The following TRPM3 variants were observed in gnomAD, a reference collection of about 807,000 sequenced individuals.
The protein encoded by TRPM3 is transient receptor potential cation channel subfamily M member 3.
Under a neutral mutation model 181.2 loss-of-function variants are expected in TRPM3, and 77 were observed. The ratio of observed to expected loss-of-function variants is 0.42; its 90% CI spans 0.35 to 0.51. The LOEUF is 0.51. Among genes scored for constraint, TRPM3 ranks in the 20% least tolerant of loss-of-function variants. The pLI is 0.01. For missense variants in TRPM3, 1,759 were observed against 2,196.7 expected (o/e 0.80, Z 3.98); for synonymous variants, 745 against 796.4 (o/e 0.94, Z 1.09).
At chr9:71,363,215 C>T (rs1565499502) in intron 1 of TRPM3, among the ~76,000 whole-genome samples, 1 of 152,124 alleles carries the variant, frequency 6.6e-6, no homozygotes, top group Non-Finnish European at 1.5e-5. Context: ...AATGAGAAGA[C>T]ATTTGATATT....
intron 1 of TRPM3, among the ~76,000 whole-genome samples, chr9:71,147,049 A>T (rs922661978): frequency 1.3e-5 from 2 of 152,182 alleles, no homozygotes; most frequent in African/African-American, 2.4e-5. Flanking sequence ...AAGACCTGAC[A>T]ACATTGCTTG....
upstream of TRPM3, chr9:71,121,674 G>A (rs1587483266): frequency 9.1e-7 from 1 of 1,104,888 alleles, no homozygotes; most frequent in Non-Finnish European, 1.1e-6. Context: ...GGCGTTGGGG[G>A]GGAACCGGGG....
Position 70,897,270 on chromosome 9 carries a change from C to T in TRPM3, c.178-32759G>A, listed in dbSNP as rs1277093364. On this transcript the variant is annotated intron_variant, in intron 1 of 25. Transcript: ENST00000677713. The stretch of plus-strand genomic sequence containing the variant: ...TGCTCCCCTTCCCAGCCTCTGGTAA[C>T]CACTATTTTACTCACTGTCTCCATG... Among the ~76,000 whole-genome samples, 2 of 112,118 alleles carry T rather than the reference C, an allele frequency of 1.8e-5. 1 individual carries two copies. The highest frequency in any genetic ancestry group is 7.1e-5 in the African/African-American group (2 of 28,316). The allele number at this position is 112,118 out of a possible 152,430, so 73.6% of individuals were successfully genotyped here. A position where few individuals can be genotyped will look rare whatever the true frequency, so the allele number is the denominator to read the frequency against.
intron 1 of TRPM3, among the ~76,000 whole-genome samples, chr9:71,439,916 C>T (rs2094110465): frequency 6.6e-6 from 1 of 152,088 alleles, no homozygotes; most frequent in African/African-American, 2.4e-5. Flanking sequence ...GTCAGGAGAT[C>T]GAGACCATCT....
intron 1 of TRPM3, among the ~76,000 whole-genome samples, chr9:70,937,706 A>T (rs2133498354): frequency 6.6e-6 from 1 of 152,242 alleles, no homozygotes; most frequent in East Asian, 1.9e-4. Flanking sequence ...GCCCTATGGA[A>T]GCAGAGAAGT....
chr9:70,906,686 T>G (rs2096468837), intron 1 of TRPM3, among the ~76,000 whole-genome samples: 1 of 152,176 alleles, frequency 6.6e-6, no homozygotes, highest in African/African-American at 2.4e-5. Flanking sequence ...GCGGATCACC[T>G]GAGGTCAGGA....
intron 1 of TRPM3, among the ~76,000 whole-genome samples, chr9:71,365,452 TTATC>T (rs147666203): frequency 0.013 from 2,015 of 152,324 alleles, 35 homozygotes; most frequent in African/African-American, 0.044. Flanking sequence ...AGACATCACT[TTATC>T]TTAGATTCTG....
At chr9:70,953,372 G>T (rs1471604769) in intron 1 of TRPM3, among the ~76,000 whole-genome samples, 1 of 151,786 alleles carries the variant, frequency 6.6e-6, no homozygotes, top group African/African-American at 2.4e-5. Flanking sequence ...GATTACTGTG[G>T]GTAATATATT....
intron 1 of TRPM3, among the ~76,000 whole-genome samples, chr9:71,317,684 C>T (rs1588459775): frequency 6.6e-6 from 1 of 151,474 alleles, no homozygotes; most frequent in Non-Finnish European, 1.5e-5. Flanking sequence ...TATATACACA[C>T]ACACACACAC....
At chr9:70,693,863 C>CA (rs1173517329) in intron 8 of TRPM3, among the ~76,000 whole-genome samples, 12 of 152,272 alleles carry the variant, frequency 7.9e-5, no homozygotes, top group African/African-American at 2.6e-4. Flanking sequence ...TTTGAGGGTA[C>CA]AAAAAATAGC....
chr9:71,155,313 CCTAT>C lies in TRPM3; in HGVS notation c.184-290806_184-290803del, dbSNP rs1437402713. Among the ~76,000 whole-genome samples, 4 of 151,614 alleles carry C rather than the reference CCTAT, an allele frequency of 2.6e-5. No homozygotes were observed. The East Asian group carries it at 7.7e-4, about 29-fold the overall frequency. On this transcript the variant is annotated intron_variant, in intron 1 of 24. Transcript: ENST00000357533. Reference sequence around the variant, plus strand: ...TGAATACTTACTATATGCCAAAGTTCCTATCTTTTTTTTCTTTTTTTGAGACAGA... The same window carrying C: ...TGAATACTTACTATATGCCAAAGTTCCTTTTTTTTCTTTTTTTGAGACAGA...
At chr9:70,859,886 C>T (rs373716971) in intron 3 of TRPM3, among the ~76,000 whole-genome samples, 10 of 152,146 alleles carry the variant, frequency 6.6e-5, no homozygotes, top group East Asian at 5.8e-4. Flanking sequence ...AATCTAAGTA[C>T]GTGATGTGGT....
intron 9 of TRPM3, among the ~76,000 whole-genome samples, chr9:70,674,987 T>C (rs973104974): frequency 3.3e-5 from 5 of 152,116 alleles, no homozygotes; most frequent in Admixed American, 6.5e-5. Context: ...CTCATTATTT[T>C]GTGTTATGTA....
chr9:71,369,191 T>C (rs2092432817), intron 1 of TRPM3, among the ~76,000 whole-genome samples: 1 of 151,952 alleles, frequency 6.6e-6, no homozygotes. Context: ...AAGTTTATAA[T>C]AAGAGAAATA....
chr9:70,671,043 T>G (rs1055262448), intron 9 of TRPM3, among the ~76,000 whole-genome samples: 1 of 152,188 alleles, frequency 6.6e-6, no homozygotes, highest in African/African-American at 2.4e-5. Flanking sequence ...ACTGTGTATA[T>G]GAGTACACTG....
At chr9:70,663,778 A>G (rs1270215844) in intron 9 of TRPM3, among the ~76,000 whole-genome samples, 1 of 152,174 alleles carries the variant, frequency 6.6e-6, no homozygotes, top group Non-Finnish European at 1.5e-5. Context: ...TCTAAGCCAA[A>G]TGGCAGCTAT....
chr9:70,632,847 G>GAGAT (rs1195692985), intron 12 of TRPM3, among the ~76,000 whole-genome samples: 5 of 152,158 alleles, frequency 3.3e-5, no homozygotes, highest in African/African-American at 1.2e-4. Flanking sequence ...CCCTACCTTA[G>GAGAT]AGATACTTTA....
intron 1 of TRPM3, among the ~76,000 whole-genome samples, chr9:71,372,712 TAAC>T (rs1238180174): frequency 6.6e-6 from 1 of 152,130 alleles, no homozygotes; most frequent in East Asian, 1.9e-4. Flanking sequence ...ATTTCACACA[TAAC>T]AATACTAACC....
chr9:71,339,144 C>T (rs540147282), intron 1 of TRPM3, among the ~76,000 whole-genome samples: 21 of 152,058 alleles, frequency 1.4e-4, no homozygotes, highest in African/African-American at 4.8e-4. Context: ...GAACTTCAAA[C>T]CCTTTATGAA....
Sources: gnomAD v4.1 joint callset for allele counts (sites outside exome capture counted in the v4.1 genomes callset) on GRCh38, gnomAD v4.1.1 for gene constraint, MANE v1.5 for transcripts, NCBI Gene and HGNC (gene_info 2026-07-23, HGNC 2026-07-21) for gene names.